EYA2: variants seen among roughly 807,000 people sequenced by gnomAD.
EYA2 encodes EYA transcriptional coactivator and phosphatase 2, also known as protein phosphatase EYA2.
In EYA2, 31 loss-of-function variants were observed where a neutral mutation model predicts 69.2. The ratio of observed to expected loss-of-function variants is 0.45; its 90% CI spans 0.34 to 0.60. The LOEUF is 0.60. Among genes scored for constraint, EYA2 ranks in the 20% least tolerant of loss-of-function variants. EYA2 has a pLI of 0.02. For synonymous variants in EYA2, 257 were observed against 279.4 expected (o/e 0.92, Z 0.80); for missense variants, 622 against 701.2 (o/e 0.89, Z 1.28).
rs141332929 is a variant in EYA2, at chr20:47,126,232, A to G, written c.889-16827A>G. On this transcript the variant is annotated intron_variant, in intron 9 of 15. Transcript: ENST00000327619. ...CTTCCCTTCGCGTGGCACCTGAGAAAGGGGCAGCCCAGTGCAAATGCTAGG... is the reference window on the plus strand; with the variant it reads ...CTTCCCTTCGCGTGGCACCTGAGAAGGGGGCAGCCCAGTGCAAATGCTAGG... 3.8e-3 allele frequency among the ~76,000 whole-genome samples: 572 copies of G among 152,310 alleles called. 7 individuals are homozygous for G. The highest frequency in any genetic ancestry group is 0.013 in the African/African-American group (541 of 41,564).
intron 9 of EYA2, among the ~76,000 whole-genome samples, chr20:47,116,089 C>T (rs2032882583): frequency 6.6e-6 from 1 of 152,070 alleles, no homozygotes; most frequent in Non-Finnish European, 1.5e-5. Context: ...GTTCATAGCA[C>T]CACAGTGCTC....
chr20:46,980,171 AG>A (rs1980739378), intron 1 of EYA2, among the ~76,000 whole-genome samples: 1 of 152,212 alleles, frequency 6.6e-6, no homozygotes, highest in African/African-American at 2.4e-5. Context: ...ACCACTGACT[AG>A]CCAGGTCAGT....
intron 9 of EYA2, among the ~76,000 whole-genome samples, chr20:47,104,153 C>T (rs1041052232): frequency 1.3e-5 from 2 of 152,152 alleles, no homozygotes; most frequent in Non-Finnish European, 2.9e-5. Flanking sequence ...AGTGGTATCT[C>T]ATTGTGGGTT....
chr20:47,050,731 G>A (rs1047369262), intron 5 of EYA2, among the ~76,000 whole-genome samples: 1 of 152,224 alleles, frequency 6.6e-6, no homozygotes, highest in Non-Finnish European at 1.5e-5. Context: ...TCCTCCTGGG[G>A]TGCATTAGAT....
intron 10 of EYA2, among the ~76,000 whole-genome samples, chr20:47,154,819 T>TGTGTGTG (rs2033889072): frequency 2.1e-5 from 3 of 140,794 alleles, no homozygotes; most frequent in African/African-American, 5.3e-5. Flanking sequence ...TTATTTTGTT[T>TGTGTGTG]TGTGTGTGTG....
At chr20:47,067,722 T>C (rs937227757) in intron 5 of EYA2, among the ~76,000 whole-genome samples, 1 of 152,234 alleles carries the variant, frequency 6.6e-6, no homozygotes, top group African/African-American at 2.4e-5. Context: ...TCTTTTCCTT[T>C]TTCTTTCTTC....
At chr20:47,075,044 G>C (rs1193433778) in intron 7 of EYA2, among the ~76,000 whole-genome samples, 3 of 152,228 alleles carry the variant, frequency 2.0e-5, no homozygotes, top group Admixed American at 6.5e-5. Context: ...CTGGGAGGCG[G>C]AGGTTGCAGT....
chr20:47,113,643 G>T (rs183044740), intron 9 of EYA2, among the ~76,000 whole-genome samples: 4 of 152,276 alleles, frequency 2.6e-5, no homozygotes, highest in African/African-American at 9.6e-5. Context: ...GCTTAGAAAC[G>T]AACCTCAGAT....
rs111448597 is a variant in EYA2, at chr20:47,052,267, G to C, written c.416-19918G>C. On this transcript the variant is annotated intron_variant, in intron 5 of 15. Coordinates refer to ENST00000327619, the MANE Select transcript of EYA2 (RefSeq NM_005244.5). ...CATGTGCAAGGTGTGGCTGGAGTTG[G>C]GGGGAGCATGGGGGCTGCTTTAGCT... Among the ~76,000 whole-genome samples, 748 of 152,314 alleles carry C rather than the reference G, an allele frequency of 4.9e-3. 6 individuals carry two copies. Among genetic ancestry groups the C allele is most frequent in the African/African-American group, 0.017 (714 of 41,558 alleles).
At chr20:46,990,318 A>T (rs1191837522) in intron 2 of EYA2, among the ~76,000 whole-genome samples, 199 bp downstream of exon 2, 1 of 152,208 alleles carries the variant, frequency 6.6e-6, no homozygotes, top group African/African-American at 2.4e-5. Flanking sequence ...TAGAGGTAAA[A>T]ATGTGCTCAT....
intron 5 of EYA2, among the ~76,000 whole-genome samples, chr20:47,055,987 A>G (rs1482010382): frequency 6.6e-6 from 1 of 151,928 alleles, no homozygotes; most frequent in Non-Finnish European, 1.5e-5. Flanking sequence ...TGCTCCTTCC[A>G]TGGCATTATC....
chr20:46,918,462 C>T (rs1985027228), intron 1 of EYA2, among the ~76,000 whole-genome samples: 2 of 152,122 alleles, frequency 1.3e-5, no homozygotes, highest in Admixed American at 6.5e-5. Context: ...GCACATGTCA[C>T]CACGCCCGGC....
intron 1 of EYA2, among the ~76,000 whole-genome samples, chr20:46,948,548 A>G (rs1478569639): frequency 6.6e-6 from 1 of 152,234 alleles, no homozygotes; most frequent in African/African-American, 2.4e-5. Flanking sequence ...TATCAGCTGT[A>G]TCCTCGGTGC....
chr20:46,903,174 A>G (rs1350566445), intron 1 of EYA2, among the ~76,000 whole-genome samples: 2 of 152,236 alleles, frequency 1.3e-5, no homozygotes, highest in South Asian at 2.1e-4. Flanking sequence ...CATCTCCGGT[A>G]GGAGGATCCC....
At chr20:47,123,313 ATCC>A (rs1322037450) in intron 9 of EYA2, among the ~76,000 whole-genome samples, 1 of 152,186 alleles carries the variant, frequency 6.6e-6, no homozygotes, top group East Asian at 1.9e-4. Flanking sequence ...AATGTTTAAT[ATCC>A]TCCTTCTAGC....
intron 1 of EYA2, among the ~76,000 whole-genome samples, chr20:46,976,092 G>A (rs912873432): frequency 5.3e-5 from 8 of 152,130 alleles, no homozygotes; most frequent in South Asian, 2.1e-4. Context: ...TGAGTGCGGC[G>A]GCTCATGCCT....
chr20:47,187,059 A>T (rs1399678948), intron 15 of EYA2, among the ~76,000 whole-genome samples: 4 of 40,780 alleles, frequency 9.8e-5, no homozygotes, highest in East Asian at 4.5e-4. Context: ...CTCTAAAATT[A>T]AAAAAAAAAA....
intron 4 of EYA2, 82 bp downstream of exon 4, chr20:47,005,166 G>T: frequency 6.6e-7 from 1 of 1,506,454 alleles, no homozygotes; most frequent in Non-Finnish European, 9.0e-7. Flanking sequence ...TCAGCTAAAT[G>T]TGGATTAATA....
chr20:47,162,969 T>G (rs2034101275), intron 10 of EYA2, among the ~76,000 whole-genome samples: 1 of 152,120 alleles, frequency 6.6e-6, no homozygotes, highest in African/African-American at 2.4e-5. Flanking sequence ...AATATATCCA[T>G]ATAAAAATCT....
Sources: gnomAD v4.1 joint callset for allele counts (sites outside exome capture counted in the v4.1 genomes callset) on GRCh38, gnomAD v4.1.1 for gene constraint, MANE v1.5 for transcripts, NCBI Gene and HGNC (gene_info 2026-07-23, HGNC 2026-07-21) for gene names.